Variants in METTL15 observed in about 807,000 individuals in gnomAD.
The protein encoded by METTL15 is methyltransferase 15, mitochondrial 12S rRNA N4-cytidine.
Under a neutral mutation model 38.3 loss-of-function variants are expected in METTL15, and 34 were observed. The observed-to-expected ratio is 0.89, with a 90% CI of 0.68 to 1.18. METTL15 has a LOEUF of 1.18. Ranked by LOEUF, METTL15 falls within the 50% of genes most tolerant of loss-of-function variation. The pLI is 0.00. For synonymous variants in METTL15, 162 were observed against 170.9 expected, an observed-to-expected ratio of 0.95 and a Z score of 0.41; for missense variants, 438 against 498.4, an observed-to-expected ratio of 0.88 and a Z score of 1.15.
At chr11:28,141,088 G>T (rs1565120173) in intron 3 of METTL15, among the ~76,000 whole-genome samples, 1 of 152,162 alleles carries the variant, frequency 6.6e-6, no homozygotes, top group Non-Finnish European at 1.5e-5. Flanking sequence ...CACTTTAATT[G>T]GGAGGAGGAT....
intron 4 of METTL15, among the ~76,000 whole-genome samples, chr11:28,220,920 G>A (rs533470236): frequency 3.0e-4 from 46 of 152,148 alleles, no homozygotes; most frequent in Admixed American, 1.4e-3. Flanking sequence ...AGAGTTTTGC[G>A]GAGAGATCAA....
chr11:28,124,839 C>T (rs1188743742), intron 3 of METTL15, among the ~76,000 whole-genome samples: 1 of 151,994 alleles, frequency 6.6e-6, no homozygotes, highest in Non-Finnish European at 1.5e-5. Context: ...TTTTAAATGA[C>T]CTATATAATG....
rs1167646530 is a variant in METTL15, at chr11:28,109,063, T to TGG, written c.-254+612_-254+613dup. The stretch of plus-strand genomic sequence containing the variant: ...GCAATGGAATCAAACTCTTCCCTCT[T>TGG]GGAGCTTATATTTTGTGGATTCAAT... On this transcript the variant is annotated intron_variant, in intron 1 of 6. Coordinates refer to ENST00000407364, the MANE Select transcript of METTL15 (RefSeq NM_001113528.2). Among the ~76,000 whole-genome samples, 6 of 152,324 alleles carry TGG rather than the reference T, an allele frequency of 3.9e-5. No individual in the cohort carries two copies. The East Asian group carries it at 1.2e-3, about 29-fold the overall frequency.
chr11:28,249,178 G>GTC (rs1426381068), intron 4 of METTL15, among the ~76,000 whole-genome samples: 1 of 151,810 alleles, frequency 6.6e-6, no homozygotes, highest in Non-Finnish European at 1.5e-5. Context: ...GAAACCTTAG[G>GTC]TAATTTTTTT....
At chr11:28,284,545 A>C (rs1299314771) in intron 4 of METTL15, among the ~76,000 whole-genome samples, 1 of 152,204 alleles carries the variant, frequency 6.6e-6, no homozygotes, top group Non-Finnish European at 1.5e-5. Context: ...TGCATAAGAC[A>C]AAAATTGTAC....
At chr11:28,146,245 CCT>C (rs1849880641) in intron 3 of METTL15, among the ~76,000 whole-genome samples, 1 of 151,892 alleles carries the variant, frequency 6.6e-6, no homozygotes, top group South Asian at 2.1e-4. Flanking sequence ...GTTGGTGAAC[CCT>C]CTTTCCTTTT....
At chr11:28,473,532 C>A (rs997189386) in intron 6 of METTL15, among the ~76,000 whole-genome samples, 2 of 152,106 alleles carry the variant, frequency 1.3e-5, no homozygotes, top group African/African-American at 4.8e-5. Flanking sequence ...TGCATTCATG[C>A]TGGATGTGGA....
chr11:28,219,205 G>T (rs774618302), intron 4 of METTL15, among the ~76,000 whole-genome samples: 3 of 151,942 alleles, frequency 2.0e-5, no homozygotes, highest in Non-Finnish European at 4.4e-5. Context: ...TTTTTTGGTT[G>T]GTAAGCTATT....
chr11:28,343,986 A>G (rs1412946383), intron 3 of METTL15, among the ~76,000 whole-genome samples: 9 of 152,230 alleles, frequency 5.9e-5, no homozygotes, highest in Admixed American at 5.9e-4. Context: ...AACTGGGTTT[A>G]TAACATTCGT....
At chr11:28,172,307 A>G (rs1038605595) in intron 3 of METTL15, among the ~76,000 whole-genome samples, 15 of 152,220 alleles carry the variant, frequency 9.9e-5, no homozygotes, top group Admixed American at 2.6e-4. Flanking sequence ...ATTTTCTGGT[A>G]GCTTGTATTA....
At position 28,401,637 on chromosome 11, in the gene METTL15, A is replaced by C. The variant is rs190671928; in HGVS notation, c.*359-22662A>C. Among the ~76,000 whole-genome samples, 59 of 152,078 alleles carry C rather than the reference A, an allele frequency of 3.9e-4. No homozygotes were observed. In the East Asian group the frequency reaches 6.2e-3, roughly 16 times the overall value. ...CAAGGATAAATAACTGAATGCCTTC[A>C]GAGTGCACAGCAGACCTGCATTTGG... On this transcript the variant is annotated intron_variant and NMD_transcript_variant, in intron 5 of 7. Transcript: ENST00000532947.
chr11:28,124,577 G>T (rs1191044379), intron 3 of METTL15, among the ~76,000 whole-genome samples: 1 of 152,108 alleles, frequency 6.6e-6, no homozygotes, highest in Admixed American at 6.6e-5. Flanking sequence ...CTGAGGCTTA[G>T]AAATGAGGGT....
At chr11:28,193,269 A>G (rs1169600266) in intron 3 of METTL15, among the ~76,000 whole-genome samples, 1 of 152,124 alleles carries the variant, frequency 6.6e-6, no homozygotes, top group Non-Finnish European at 1.5e-5. Flanking sequence ...TATAAAGAAA[A>G]GAAGTTCTTT....
At chr11:28,211,321 T>A in intron 4 of METTL15, 123 bp downstream of exon 4, 1 of 827,050 alleles carries the variant, frequency 1.2e-6, no homozygotes, top group South Asian at 2.9e-5. Flanking sequence ...TATTTTCTTC[T>A]TTTTTCCCCA....
chr11:28,339,615 G>A (rs1008522458), intron 3 of METTL15, among the ~76,000 whole-genome samples: 6 of 151,162 alleles, frequency 4.0e-5, no homozygotes, highest in Admixed American at 4.0e-4. Context: ...CAAAAAGAGA[G>A]ATGACCAAAA....
At chr11:28,145,729 A>C (rs181949179) in intron 3 of METTL15, 1 of 152,130 alleles carries the variant, frequency 6.6e-6, no homozygotes, top group South Asian at 2.1e-4. Context: ...GTGATTTAAT[A>C]AACTGAGTTA....
chr11:28,427,612 G>C (rs1850876946), intron 6 of METTL15, among the ~76,000 whole-genome samples: 1 of 152,120 alleles, frequency 6.6e-6, no homozygotes, highest in South Asian at 2.1e-4. Flanking sequence ...ACTTCTTTGA[G>C]CAGTGGTTTG....
intron 4 of METTL15, among the ~76,000 whole-genome samples, chr11:28,238,594 A>G (rs1176119926): frequency 1.3e-5 from 2 of 152,180 alleles, no homozygotes; most frequent in East Asian, 3.9e-4. Context: ...TTTGGCTGGC[A>G]CAGGGTGCGC....
intron 2 of METTL15, among the ~76,000 whole-genome samples, chr11:28,111,448 T>A (rs564950172): frequency 1.3e-5 from 2 of 152,232 alleles, no homozygotes; most frequent in African/African-American, 2.4e-5. Flanking sequence ...CAGCATACTG[T>A]TATTTTTAAG....
Sources: allele counts gnomAD v4.1 joint callset (sites outside exome capture counted in the v4.1 genomes callset), GRCh38; gene constraint gnomAD v4.1.1; transcripts MANE v1.5; gene names NCBI Gene and HGNC (gene_info 2026-07-23, HGNC 2026-07-21).